DLEC1: variants seen among roughly 807,000 people sequenced by gnomAD.
DLEC1 encodes DLEC1 cilia and flagella associated protein, also known as deleted in lung and esophageal cancer protein 1.
A neutral mutation model predicts 198.1 loss-of-function variants in DLEC1; 146 were observed. The observed-to-expected ratio is 0.74, with a 90% CI of 0.64 to 0.85. The LOEUF is 0.85. DLEC1 is among the 40% of genes least tolerant of loss of function. The pLI is 0.00. For missense variants in DLEC1, 2,233 were observed against 2,220.0 expected (o/e 1.01, Z -0.12); for synonymous variants, 897 against 866.8 (o/e 1.03, Z -0.61).
chr3:38,097,099 C>T (rs968305599), intron 15 of DLEC1, 83 bp from the exon 16 acceptor site: 4 of 1,324,144 alleles, frequency 3.0e-6, no homozygotes, highest in Non-Finnish European at 4.2e-6. Flanking sequence ...CTTTACGAGC[C>T]CACAATCCTA....
chr3:38,121,848 G>A, intron 35 of DLEC1, 67 bp downstream of exon 35: 1 of 1,576,990 alleles, frequency 6.3e-7, no homozygotes, highest in South Asian at 1.2e-5. Flanking sequence ...GACCCCCCAG[G>A]AAGGGGCCCC....
In DLEC1 at chr3:38,100,546, T is replaced by C. The variant is rs1699255271; in HGVS notation, c.2864+121T>C. ...AAAACTATTGAATCCAGAAAATTAG[T>C]ATTCTATAAAATTTGTAAATTACAG... On this transcript the variant is annotated intron_variant, in intron 19 of 36. Transcript: ENST00000308059. 6.9e-6 allele frequency: 9 copies of C among 1,312,864 alleles called. No individual in the cohort carries two copies. In the South Asian group the frequency reaches 1.5e-4, roughly 21 times the overall value. 81.3% of individuals were successfully genotyped at this position (1,312,864 alleles called of 1,614,324 possible).
intron 2 of DLEC1, among the ~76,000 whole-genome samples, chr3:38,053,135 CG>C (rs1701213719): frequency 6.6e-6 from 1 of 152,222 alleles, no homozygotes; most frequent in Non-Finnish European, 1.5e-5. Flanking sequence ...GATCTCGGCT[CG>C]CTACAACCTC....
chr3:38,123,248 C>T lies in DLEC1; in HGVS notation c.*836C>T, dbSNP rs970707726. 63 of 867,078 alleles carry T rather than the reference C, an allele frequency of 7.3e-5. No individual in the cohort carries two copies. Among genetic ancestry groups the T allele is most frequent in the African/African-American group, 6.8e-4 (41 of 60,502 alleles). 53.7% of individuals were successfully genotyped at this position (867,078 alleles called of 1,614,324 possible). A position where few individuals can be genotyped will look rare whatever the true frequency, so the allele number is the denominator to read the frequency against. On this transcript the variant is annotated 3_prime_UTR_variant, in exon 37 of 37. Transcript: ENST00000308059. ...CCATCAGACCAGATCTGTGGGCAAG[C>T]GGTACCCTGGCCTCCCACTTGGGCA...
At chr3:38,109,105 T>C (rs1389716766) in intron 21 of DLEC1, among the ~76,000 whole-genome samples, 1 of 152,134 alleles carries the variant, frequency 6.6e-6, no homozygotes, top group Non-Finnish European at 1.5e-5. Context: ...GTGGAACAGA[T>C]CTTGCTCAGG....
chr3:38,116,887 G>T lies in DLEC1; in HGVS notation c.4177G>T (p.Val1393Leu). The change falls in exon 29 of 37, where the codon GTG (valine) becomes TTG (leucine). Residue 1393 changes from valine to leucine, a missense_variant and splice_region_variant. Val to Leu is a conservative substitution (Grantham distance 32, BLOSUM62 1). Coordinates refer to ENST00000308059, the MANE Select transcript of DLEC1 (RefSeq NM_007335.4). Reference sequence around the variant, plus strand: ...CCTGTACTGTATCAGCCCCAAGCAGGTGGTGAGTTGGGGTATGGGCTGGGA... The same window carrying T: ...CCTGTACTGTATCAGCCCCAAGCAGTTGGTGAGTTGGGGTATGGGCTGGGA... ...GHLYCISPKQVVVPAGGSSTI... is the reference protein window; with the variant it reads ...GHLYCISPKQLVVPAGGSSTI... 1 of 1,613,174 alleles carries T rather than the reference G, an allele frequency of 6.2e-7. No homozygotes were observed. The highest frequency in any genetic ancestry group is 1.1e-5 in the South Asian group (1 of 91,032).
chr3:38,097,276 G>A lies in DLEC1; in HGVS notation c.2434+1G>A. 1.9e-6 allele frequency: 3 copies of A among 1,575,720 alleles called. No individual in the cohort carries two copies. The highest frequency in any genetic ancestry group is 2.6e-6 in the Non-Finnish European group (3 of 1,159,336). ...GTGGAGCCCGGCACAGGGGTCATAG[G>A]TACCTTGGGGACTGCAGGAGGGGTT... On this transcript the variant is annotated splice_donor_variant, in intron 16 of 36. Transcript: ENST00000308059. LOFTEE classifies it high-confidence loss of function.
intron 18 of DLEC1, 74 bp downstream of exon 18, chr3:38,097,976 C>T: frequency 1.9e-6 from 3 of 1,588,820 alleles, no homozygotes; most frequent in Non-Finnish European, 2.6e-6. Flanking sequence ...GAAACTTGCC[C>T]TGGTGTGTTT....
intron 27 of DLEC1, among the ~76,000 whole-genome samples, chr3:38,115,630 C>T (rs1014030867): frequency 1.3e-5 from 2 of 151,972 alleles, no homozygotes; most frequent in African/African-American, 4.8e-5. Context: ...CATGCCTGCC[C>T]CTGAGGAGAG....
In DLEC1 at chr3:38,120,463, TCA is replaced by T. The variant is rs1168685559; in HGVS notation, c.4722_4723del (p.Ser1576ProfsTer12). 3.7e-6 allele frequency: 6 copies of T among 1,614,082 alleles called. No individual in the cohort carries two copies. The highest frequency in any genetic ancestry group is 5.1e-6 in the Non-Finnish European group (6 of 1,180,040). On this transcript the variant is annotated frameshift_variant, in exon 34 of 37. Coordinates refer to ENST00000308059, the MANE Select transcript of DLEC1 (RefSeq NM_007335.4). LOFTEE classifies it high-confidence loss of function. Reference sequence around the variant, plus strand: ...ATCTGCTCAGGTGAACGTGTCCTTCTCACTCTCCCTGGAGCTGCTCTCCTATC... The same window carrying T: ...ATCTGCTCAGGTGAACGTGTCCTTCTCTCTCCCTGGAGCTGCTCTCCTATC... ...QENMLVNVSF[S>X]LSLELLSYQK...
chr3:38,039,378 C>T lies in DLEC1; in HGVS notation c.153C>T (p.Tyr51=). 2 of 1,614,208 alleles carry T rather than the reference C, an allele frequency of 1.2e-6. No homozygotes were observed. Among genetic ancestry groups the T allele is most frequent in the Non-Finnish European group, 1.7e-6 (2 of 1,180,028 alleles). Residue 51 remains tyrosine, a synonymous_variant, in exon 1 of 37, where the codon TAC becomes TAT. Coordinates refer to ENST00000308059, the MANE Select transcript of DLEC1 (RefSeq NM_007335.4). ...WKSSLYSSLA[Y]SEAFHYSFAA... ...CCTCCTTGTATTCCTCCCTCGCCTA[C>T]TCTGAGGCCTTCCACTACAGCTTCG...
intron 6 of DLEC1, among the ~76,000 whole-genome samples, chr3:38,073,207 A>T (rs993697271): frequency 6.6e-6 from 1 of 152,242 alleles, no homozygotes; most frequent in African/African-American, 2.4e-5. Context: ...AAAAGAGTGT[A>T]TGGGTTGGGC....
In DLEC1 at chr3:38,120,432, G is replaced by A. The variant is rs749014620; in HGVS notation, c.4705-16G>A. 6.2e-7 allele frequency: 1 copy of A among 1,614,002 alleles called. No individual in the cohort carries two copies. The highest frequency in any genetic ancestry group is 8.5e-7 in the Non-Finnish European group (1 of 1,179,890). On this transcript the variant is annotated splice_polypyrimidine_tract_variant and intron_variant, in intron 33 of 36. Transcript: ENST00000308059. ...CCTCTGCAGCCGGAGTTGACACCAT[G>A]TCCACATCTGCTCAGGTGAACGTGT...
At chr3:38,043,481 A>G (rs1700747420) in intron 1 of DLEC1, among the ~76,000 whole-genome samples, 1 of 152,206 alleles carries the variant, frequency 6.6e-6, no homozygotes, top group African/African-American at 2.4e-5. Context: ...GTCCCAGGCC[A>G]CTGTCTCCTG....
At chr3:38,099,858 G>A (rs990530135) in intron 18 of DLEC1, among the ~76,000 whole-genome samples, 3 of 152,072 alleles carry the variant, frequency 2.0e-5, no homozygotes, top group African/African-American at 7.2e-5. Context: ...CCACGTGGGT[G>A]CAAAGGAGAA....
intron 6 of DLEC1, among the ~76,000 whole-genome samples, chr3:38,083,184 C>T (rs1027731457): frequency 1.1e-4 from 16 of 151,628 alleles, no homozygotes; most frequent in African/African-American, 3.2e-4. Context: ...GTTTCATGTG[C>T]GTCCGTGTGA....
intron 33 of DLEC1, among the ~76,000 whole-genome samples, chr3:38,119,411 C>G (rs2125750224): frequency 6.6e-6 from 1 of 152,256 alleles, no homozygotes; most frequent in South Asian, 2.1e-4. Context: ...TGTCCTAGAC[C>G]CATCTCTGAC....
chr3:38,110,587 G>A (rs780508128), intron 23 of DLEC1, among the ~76,000 whole-genome samples: 4 of 152,220 alleles, frequency 2.6e-5, no homozygotes, highest in Non-Finnish European at 5.9e-5. Context: ...ACTGTAGACA[G>A]AAGGAACTGT....
intron 18 of DLEC1, among the ~76,000 whole-genome samples, chr3:38,098,407 A>G (rs1699143129): frequency 6.6e-6 from 1 of 152,146 alleles, no homozygotes; most frequent in African/African-American, 2.4e-5. Flanking sequence ...TAAAAGTAGG[A>G]AAAAAAGCAG....
Sources: allele counts gnomAD v4.1 joint callset (sites outside exome capture counted in the v4.1 genomes callset), GRCh38; gene constraint gnomAD v4.1.1; transcripts MANE v1.5; gene names NCBI Gene and HGNC (gene_info 2026-07-23, HGNC 2026-07-21).